Variants in CWF19L2 observed in about 807,000 individuals in gnomAD.
CWF19L2 encodes the protein CWF19-like protein 2.
A neutral mutation model predicts 111.7 loss-of-function variants in CWF19L2; 98 were observed. That is an observed-to-expected ratio of 0.88 (90% CI 0.75 to 1.04). The LOEUF (loss-of-function observed/expected upper bound fraction) is 1.04, where lower values mean the gene tolerates loss of function less well. CWF19L2 is among the 50% of genes least tolerant of loss of function. CWF19L2 has a pLI of 0.00. For synonymous variants in CWF19L2, 351 were observed against 342.9 expected, an observed-to-expected ratio of 1.02 and a Z score of -0.26; for missense variants, 1,101 against 1,051.4, an observed-to-expected ratio of 1.05 and a Z score of -0.65.
intron 10 of CWF19L2, among the ~76,000 whole-genome samples, chr11:107,408,301 A>G (rs530680742): frequency 6.6e-5 from 10 of 152,160 alleles, no homozygotes; most frequent in African/African-American, 2.2e-4. Flanking sequence ...TAACTACATG[A>G]AAAATACTCT....
intron 14 of CWF19L2, among the ~76,000 whole-genome samples, chr11:107,347,463 C>A (rs1346908581): frequency 6.6e-6 from 1 of 152,166 alleles, no homozygotes; most frequent in African/African-American, 2.4e-5. Flanking sequence ...AACTGTACCT[C>A]ATCAAGCTAG....
chr11:107,336,072 T>G (rs2134523905), intron 15 of CWF19L2, among the ~76,000 whole-genome samples: 1 of 152,062 alleles, frequency 6.6e-6, no homozygotes, highest in East Asian at 2.0e-4. Flanking sequence ...ATACAAAAAA[T>G]TAGCTGGGCG....
At chr11:107,414,624 T>C (rs1294323996) in intron 10 of CWF19L2, among the ~76,000 whole-genome samples, 3 of 152,034 alleles carry the variant, frequency 2.0e-5, no homozygotes, top group African/African-American at 4.8e-5. Context: ...ACTCTCAATA[T>C]ATCCAAAACA....
At chr11:107,359,979 A>AG (rs1338084452) in intron 12 of CWF19L2, among the ~76,000 whole-genome samples, 11 of 152,356 alleles carry the variant, frequency 7.2e-5, no homozygotes, top group African/African-American at 2.6e-4. Flanking sequence ...GAGATCCTTG[A>AG]GGGTGCCTCT....
intron 16 of CWF19L2, among the ~76,000 whole-genome samples, chr11:107,330,311 A>T (rs1241547669): frequency 6.6e-6 from 1 of 152,190 alleles, no homozygotes; most frequent in African/African-American, 2.4e-5. Context: ...ACTTTTAAAA[A>T]TACAAATGCA....
At chr11:107,353,412 G>T (rs1208295505) in intron 13 of CWF19L2, 112 bp downstream of exon 13, 2 of 782,376 alleles carry the variant, frequency 2.6e-6, no homozygotes, top group Non-Finnish European at 4.0e-6. Context: ...TTAGGGGAAA[G>T]ACCCAATAAA....
chr11:107,391,476 T>G (rs1453712748), intron 11 of CWF19L2, among the ~76,000 whole-genome samples: 1 of 152,194 alleles, frequency 6.6e-6, no homozygotes, highest in East Asian at 1.9e-4. Flanking sequence ...AGCCATCCAG[T>G]CTATGTTACA....
At chr11:107,380,911 C>T (rs184458716) in intron 12 of CWF19L2, among the ~76,000 whole-genome samples, 48 of 152,156 alleles carry the variant, frequency 3.2e-4, no homozygotes, top group African/African-American at 1.1e-3. Context: ...CTGAAACATG[C>T]TAAATACTTG....
At chr11:107,335,413 A>G (rs1859907643) in intron 15 of CWF19L2, among the ~76,000 whole-genome samples, 2 of 152,002 alleles carry the variant, frequency 1.3e-5, no homozygotes, top group Non-Finnish European at 2.9e-5. Context: ...ATGAAGAAGT[A>G]AAAATACAGG....
At chr11:107,347,143 A>T (rs1565246755) in intron 14 of CWF19L2, among the ~76,000 whole-genome samples, 1 of 152,228 alleles carries the variant, frequency 6.6e-6, no homozygotes, top group Non-Finnish European at 1.5e-5. Context: ...AAACAAAACC[A>T]GCAATTTGGA....
intron 10 of CWF19L2, among the ~76,000 whole-genome samples, chr11:107,403,122 T>A (rs184525884): frequency 6.9e-4 from 101 of 146,046 alleles, no homozygotes; most frequent in African/African-American, 2.5e-3. Context: ...GTGAAGGGGG[T>A]GAGGGATAAA....
intron 13 of CWF19L2, among the ~76,000 whole-genome samples, chr11:107,350,784 T>C (rs1225352896): frequency 1.3e-5 from 2 of 151,830 alleles, no homozygotes; most frequent in Non-Finnish European, 2.9e-5. Context: ...TAGGGAGAAG[T>C]TAGGAAGCCT....
chr11:107,382,061 AG>A (rs1325322552), intron 12 of CWF19L2, among the ~76,000 whole-genome samples: 5 of 152,174 alleles, frequency 3.3e-5, no homozygotes, highest in African/African-American at 1.2e-4. Context: ...AAAATTAATG[AG>A]GAAAGATGTA....
At chr11:107,336,435 A>G in intron 15 of CWF19L2, 123 bp downstream of exon 15, 1 of 820,962 alleles carries the variant, frequency 1.2e-6, no homozygotes, top group South Asian at 1.9e-5. Flanking sequence ...GGCCTATTTC[A>G]TTTCTTTATA....
At chr11:107,372,421 C>A (rs80031274) in intron 12 of CWF19L2, among the ~76,000 whole-genome samples, 1 of 134,030 alleles carries the variant, frequency 7.5e-6, no homozygotes, top group Admixed American at 7.3e-5. Flanking sequence ...GCAGAAAGCA[C>A]ATTAATTTGA....
At chr11:107,379,867 G>A (rs908663190) in intron 12 of CWF19L2, among the ~76,000 whole-genome samples, 5 of 151,714 alleles carry the variant, frequency 3.3e-5, no homozygotes, top group Middle Eastern at 3.2e-3. Flanking sequence ...AGACCATCCT[G>A]GCTAACACAG....
chr11:107,401,146 G>A (rs1456561840), intron 10 of CWF19L2, among the ~76,000 whole-genome samples: 2 of 152,122 alleles, frequency 1.3e-5, no homozygotes, highest in African/African-American at 2.4e-5. Context: ...TTCTCTCTGA[G>A]AACTGGAGCA....
intron 10 of CWF19L2, among the ~76,000 whole-genome samples, chr11:107,398,892 A>G (rs1860961793): frequency 6.6e-6 from 1 of 152,208 alleles, no homozygotes; most frequent in Non-Finnish European, 1.5e-5. Flanking sequence ...GCCTCCTCAA[A>G]CAAAACATTT....
At chr11:107,361,480 A>T (rs1466157214) in intron 12 of CWF19L2, among the ~76,000 whole-genome samples, 1 of 152,028 alleles carries the variant, frequency 6.6e-6, no homozygotes, top group Non-Finnish European at 1.5e-5. Flanking sequence ...TTCCATATGA[A>T]TTTTAATATT....
Sources: allele counts gnomAD v4.1 joint callset (sites outside exome capture counted in the v4.1 genomes callset), GRCh38; gene constraint gnomAD v4.1.1; transcripts MANE v1.5; gene names NCBI Gene and HGNC (gene_info 2026-07-23, HGNC 2026-07-21).